XKR4: variants seen among roughly 807,000 people sequenced by gnomAD.
XKR4 encodes XK-related protein 4.
XKR4 carries 12 observed loss-of-function variants against 53.9 expected under a neutral mutation model. That is an observed-to-expected ratio of 0.22 (90% CI 0.14 to 0.36). XKR4 has a LOEUF of 0.36. Ranked by LOEUF, XKR4 falls within the 10% of genes least tolerant of loss-of-function variation. XKR4 has a pLI of 1.00. For missense variants in XKR4, 799 were observed against 859.5 expected, an observed-to-expected ratio of 0.93 and a Z score of 0.88; for synonymous variants, 354 against 362.4, an observed-to-expected ratio of 0.98 and a Z score of 0.26.
chr8:55,348,871 G>C (rs1803689410), intron 1 of XKR4, among the ~76,000 whole-genome samples: 1 of 152,134 alleles, frequency 6.6e-6, no homozygotes, highest in South Asian at 2.1e-4. Context: ...GATGGATACA[G>C]ATAGACATAT....
At chr8:55,242,678 C>T (rs954300226) in intron 1 of XKR4, among the ~76,000 whole-genome samples, 1 of 152,156 alleles carries the variant, frequency 6.6e-6, no homozygotes, top group South Asian at 2.1e-4. Flanking sequence ...ACAGAAGGGA[C>T]GTGTGCCCAC....
intron 2 of XKR4, among the ~76,000 whole-genome samples, chr8:55,472,326 T>A (rs1362765178): frequency 6.6e-6 from 1 of 152,204 alleles, no homozygotes; most frequent in Non-Finnish European, 1.5e-5. Flanking sequence ...ATTCTCCACA[T>A]GCTAGTTCCT....
At chr8:55,499,618 C>G (rs1424013888) in intron 2 of XKR4, among the ~76,000 whole-genome samples, 1 of 152,080 alleles carries the variant, frequency 6.6e-6, no homozygotes, top group Non-Finnish European at 1.5e-5. Flanking sequence ...GTGAGATGGC[C>G]CCTGGGACTG....
At chr8:55,388,071 G>C (rs993262251) in intron 2 of XKR4, among the ~76,000 whole-genome samples, 1 of 152,178 alleles carries the variant, frequency 6.6e-6, no homozygotes, top group Non-Finnish European at 1.5e-5. Context: ...GTAGTTAAAT[G>C]GTTGTTTCAC....
At chr8:55,289,223 G>A (rs11786627) in intron 1 of XKR4, among the ~76,000 whole-genome samples, 136,393 of 152,130 alleles carry the variant, frequency 0.9, 61,534 homozygotes, top group Non-Finnish European at 0.95. Context: ...TAGTTTTATA[G>A]GAAATTGCCA....
intron 1 of XKR4, among the ~76,000 whole-genome samples, chr8:55,186,621 A>T (rs958363808): frequency 2.0e-5 from 3 of 152,182 alleles, no homozygotes; most frequent in Non-Finnish European, 2.9e-5. Flanking sequence ...GTGCCACTGC[A>T]CTCCAGCCTG....
chr8:55,326,615 C>A (rs969161273), intron 1 of XKR4, among the ~76,000 whole-genome samples: 2 of 151,386 alleles, frequency 1.3e-5, no homozygotes, highest in Non-Finnish European at 2.9e-5. Context: ...GGACTACAGG[C>A]GTGCACCACT....
At chr8:55,480,256 T>C (rs1055136252) in intron 2 of XKR4, among the ~76,000 whole-genome samples, 1 of 151,588 alleles carries the variant, frequency 6.6e-6, no homozygotes, top group African/African-American at 2.4e-5. Context: ...CATACGCAAA[T>C]CAATAAATGT....
intron 1 of XKR4, among the ~76,000 whole-genome samples, chr8:55,196,175 CTTTTTT>C (rs1032613430): frequency 7.9e-6 from 1 of 125,946 alleles, no homozygotes; most frequent in Non-Finnish European, 1.6e-5. Flanking sequence ...GTTGTGCTTC[CTTTTTT>C]TTTTTTTTTT....
At chr8:55,122,659 A>G (rs1297319237) in intron 1 of XKR4, among the ~76,000 whole-genome samples, 1 of 152,238 alleles carries the variant, frequency 6.6e-6, no homozygotes, top group Non-Finnish European at 1.5e-5. Context: ...TTCAAAGGAA[A>G]AACAAAGTTC....
chr8:55,242,375 C>T (rs1174436163), intron 1 of XKR4, among the ~76,000 whole-genome samples: 1 of 152,162 alleles, frequency 6.6e-6, no homozygotes, highest in African/African-American at 2.4e-5. Context: ...CCATCCCTGC[C>T]ACATCAGCGT....
intron 2 of XKR4, among the ~76,000 whole-genome samples, chr8:55,364,849 C>T (rs2658886): frequency 0.13 from 19,160 of 152,178 alleles, 1,603 homozygotes; most frequent in Non-Finnish European, 0.19. Context: ...CCAGGCTGGT[C>T]TCCTGACCTC....
rs71256520 is a variant in XKR4, at chr8:55,217,738, TTAGATAGATAGATAGATAGATAGA to T, written c.806+114471_806+114494del. Among the ~76,000 whole-genome samples, 1,265 of 149,356 alleles carry T rather than the reference TTAGATAGATAGATAGATAGATAGA, an allele frequency of 8.5e-3. 5 individuals carry two copies. Among genetic ancestry groups the T allele is most frequent in the Non-Finnish European group, 0.014 (922 of 67,484 alleles). On this transcript the variant is annotated intron_variant, in intron 1 of 2. Coordinates refer to ENST00000327381, the MANE Select transcript of XKR4 (RefSeq NM_052898.2). ...AGTTCAAAATACATAGGAAGACAGA[TTAGATAGATAGATAGATAGATAGA>T]TAGATAGATAGATAGATAGATAGAT...
intron 1 of XKR4, among the ~76,000 whole-genome samples, chr8:55,305,091 C>G (rs1212716632): frequency 6.6e-6 from 1 of 152,108 alleles, no homozygotes; most frequent in Non-Finnish European, 1.5e-5. Flanking sequence ...GGCGATGGGA[C>G]TACAGGGGAA....
chr8:55,342,177 A>G (rs1585529856), intron 1 of XKR4, among the ~76,000 whole-genome samples: 2 of 152,234 alleles, frequency 1.3e-5, no homozygotes, highest in South Asian at 4.2e-4. Flanking sequence ...TCTTGGAGTC[A>G]GCATTGCCTC....
chr8:55,103,427 CT>C (rs1816088067), intron 1 of XKR4, 133 bp downstream of exon 1: 2 of 1,428,418 alleles, frequency 1.4e-6, no homozygotes, highest in Admixed American at 3.0e-5. Flanking sequence ...TTTTGGGTTT[CT>C]TTTGAACTGG....
At chr8:55,141,933 C>CG (rs1484176022) in intron 1 of XKR4, among the ~76,000 whole-genome samples, 1 of 152,102 alleles carries the variant, frequency 6.6e-6, no homozygotes, top group Non-Finnish European at 1.5e-5. Context: ...GGGAGCCACA[C>CG]GCCTGCAGGG....
At chr8:55,430,064 A>G (rs763260466) in intron 2 of XKR4, among the ~76,000 whole-genome samples, 18 of 152,242 alleles carry the variant, frequency 1.2e-4, no homozygotes, top group Non-Finnish European at 2.2e-4. Context: ...GCTTTTAGGG[A>G]AATGCAAATT....
chr8:55,175,639 G>A (rs1311573020), intron 1 of XKR4, among the ~76,000 whole-genome samples: 3 of 152,124 alleles, frequency 2.0e-5, no homozygotes, highest in Admixed American at 6.5e-5. Context: ...TTAATGGCTA[G>A]GCCAGTGTCA....
Sources: gnomAD v4.1 joint callset for allele counts (sites outside exome capture counted in the v4.1 genomes callset) on GRCh38, gnomAD v4.1.1 for gene constraint, MANE v1.5 for transcripts, NCBI Gene and HGNC (gene_info 2026-07-23, HGNC 2026-07-21) for gene names.